The following TTF2 variants were observed in gnomAD, a reference collection of about 807,000 sequenced individuals.
TTF2 encodes the protein transcription termination factor 2, also known as RNA polymerase II termination factor.
Under a neutral mutation model 142.4 loss-of-function variants are expected in TTF2, and 108 were observed. The observed-to-expected ratio is 0.76, with a 90% CI of 0.65 to 0.89. The LOEUF (loss-of-function observed/expected upper bound fraction) is 0.89. TTF2 is among the 40% of genes least tolerant of loss of function. The pLI, the probability that TTF2 is intolerant of heterozygous loss-of-function variation, is 0.00. For synonymous variants in TTF2, 483 were observed against 506.2 expected, an observed-to-expected ratio of 0.95 and a Z score of 0.61; for missense variants, 1,327 against 1,379.8, an observed-to-expected ratio of 0.96 and a Z score of 0.61.
chr1:117,090,213 T>C lies in TTF2; in HGVS notation c.2496+5T>C, dbSNP rs1020835590. 6.2e-7 allele frequency: 1 copy of C among 1,613,594 alleles called. No homozygotes were observed. Among genetic ancestry groups the C allele is most frequent in the African/African-American group, 1.3e-5 (1 of 75,032 alleles). On this transcript the variant is annotated splice_donor_5th_base_variant and intron_variant, in intron 14 of 22. Coordinates refer to ENST00000369466, the MANE Select transcript of TTF2 (RefSeq NM_003594.4). This position sits in a 1 kb window ranked among gnomAD's most constrained non-coding sequence, Gnocchi z 4.8. ...GACTCTACTGGCAGACCTTTGGTAA[T>C]CAAGTTTGTACCTGTCCCTGGGGGA...
chr1:117,074,310 A>G lies in TTF2; in HGVS notation c.286-560A>G, dbSNP rs371759062. Among the ~76,000 whole-genome samples, 8 of 152,330 alleles carry G rather than the reference A, an allele frequency of 5.3e-5. No homozygotes were observed. The East Asian group carries it at 9.6e-4, about 18-fold the overall frequency. Reference sequence around the variant, plus strand: ...GGGGAAAAGTTCATCTTAAGAGAATAGTTTTTTTCCTGAAAAGTATACACT... The same window carrying G: ...GGGGAAAAGTTCATCTTAAGAGAATGGTTTTTTTCCTGAAAAGTATACACT... On this transcript the variant is annotated intron_variant, in intron 4 of 22. Transcript: ENST00000369466.
chr1:117,077,400 T>C (rs1165083901), intron 7 of TTF2, among the ~76,000 whole-genome samples: 1 of 152,234 alleles, frequency 6.6e-6, no homozygotes, highest in Non-Finnish European at 1.5e-5. Flanking sequence ...GGCTGGCACA[T>C]AGGAGTCATC....
chr1:117,074,669 TACTG>T (rs1656842805), intron 4 of TTF2, among the ~76,000 whole-genome samples, 197 bp from the exon 5 acceptor site: 1 of 151,656 alleles, frequency 6.6e-6, no homozygotes, highest in African/African-American at 2.4e-5. Flanking sequence ...TACTGTGAAC[TACTG>T]GAGAGGGGAG....
Position 117,076,232 on chromosome 1 carries a change from T to G in TTF2, c.1328T>G (p.Leu443Trp), listed in dbSNP as rs1428373482. ...IQALPDKGQKLIKQIQELEEV... is the reference protein window; with the variant it reads ...IQALPDKGQKWIKQIQELEEV... ...GCTCTTCCAGACAAGGGTCAGAAGT[T>G]GATCAAACAAATCCAGGAGCTGGAG... Residue 443 changes from leucine (L) to tryptophan (W), a missense_variant, in exon 6 of 23, where the codon TTG (leucine) becomes TGG (tryptophan). Transcript: ENST00000369466. This position sits in a 1 kb window ranked among gnomAD's most constrained non-coding sequence, Gnocchi z 4.6. 1 of 1,613,952 alleles carries G rather than the reference T, an allele frequency of 6.2e-7. No homozygotes were observed. The highest frequency in any genetic ancestry group is 1.1e-5 in the South Asian group (1 of 91,070).
At position 117,086,375 on chromosome 1, in the gene TTF2, A is replaced by G. The variant is rs965846681; in HGVS notation, c.2055-42A>G. On this transcript the variant is annotated intron_variant, in intron 11 of 22. Coordinates refer to ENST00000369466, the MANE Select transcript of TTF2 (RefSeq NM_003594.4). This position sits in a 1 kb window ranked among gnomAD's most constrained non-coding sequence, Gnocchi z 4.2. ...ACTCTGCCTCTCTCATTGTCCCTCTATAGTGGGACCATTTATTGATTTCTT... is the reference window on the plus strand; with the variant it reads ...ACTCTGCCTCTCTCATTGTCCCTCTGTAGTGGGACCATTTATTGATTTCTT... 3.4e-6 allele frequency: 5 copies of G among 1,452,172 alleles called. No homozygotes were observed. In the African/African-American group the frequency reaches 5.6e-5, roughly 16 times the overall value. The allele number at this position is 1,452,172 out of a possible 1,614,324, so 90.0% of individuals were successfully genotyped here.
Position 117,091,427 on chromosome 1 carries a change from TC to T in TTF2, c.2671+18del. On this transcript the variant is annotated intron_variant, in intron 16 of 22. Transcript: ENST00000369466. The stretch of plus-strand genomic sequence containing the variant: ...TCAGTAGAGGTAAGCTGTAGGACTC[TC>T]ATAAATACATATGACTGGTGAAAAT... 6.3e-7 allele frequency: 1 copy of T among 1,597,676 alleles called. No individual in the cohort carries two copies. Among genetic ancestry groups the T allele is most frequent in the Non-Finnish European group, 8.5e-7 (1 of 1,173,908 alleles).
In TTF2 at chr1:117,090,073, A is replaced by G. The variant is rs756131561; in HGVS notation, c.2361A>G (p.Pro787=). The change falls in exon 14 of 23, where the codon CCA becomes CCG. Residue 787 remains proline (P), a synonymous_variant. Coordinates refer to ENST00000369466, the MANE Select transcript of TTF2 (RefSeq NM_003594.4). This position sits in a 1 kb window ranked among gnomAD's most constrained non-coding sequence, Gnocchi z 4.8. Reference sequence around the variant, plus strand: ...AAAAAAGGTTTCTCCGTTGCTCTCCATTTGATGAGTTCAATCTGTGGAGGA... The same window carrying G: ...AAAAAAGGTTTCTCCGTTGCTCTCCGTTTGATGAGTTCAATCTGTGGAGGA... ...YSLLKFLRCS[P]FDEFNLWRSQ... The G allele has an allele frequency of 6.2e-7, 1 of 1,613,772 alleles. No individual in the cohort carries two copies. Among genetic ancestry groups the G allele is most frequent in the South Asian group, 1.1e-5 (1 of 91,026 alleles).
Position 117,098,857 on chromosome 1 carries a change from T to C in TTF2, c.3294T>C (p.Ala1098=). 1 of 1,612,430 alleles carries C rather than the reference T, an allele frequency of 6.2e-7. No individual in the cohort carries two copies. Among genetic ancestry groups the C allele is most frequent in the Non-Finnish European group, 8.5e-7 (1 of 1,179,556 alleles). Residue 1098 remains alanine (A), a synonymous_variant, in exon 22 of 23, where the codon GCT becomes GCC. Coordinates refer to ENST00000369466, the MANE Select transcript of TTF2 (RefSeq NM_003594.4). ...GGAATCCATCACTTGAAGATCAAGC[T>C]TGTGACCGAATTTACCGAGTAGGGC... ...MHWNPSLEDQ[A]CDRIYRVGQQ...
In TTF2 at chr1:117,100,880, C is replaced by T. The variant is rs1020754246; in HGVS notation, c.3345-500C>T. Among the ~76,000 whole-genome samples the T allele has an allele frequency of 1.3e-5, 2 of 152,198 alleles. No homozygotes were observed. Among genetic ancestry groups the T allele is most frequent in the Admixed American group, 1.3e-4 (2 of 15,278 alleles). ...TGCTTTGGAGCAAGACTATATTCAT[C>T]TCTCCATCCCCACACCTAGCATAGT... On this transcript the variant is annotated intron_variant, in intron 22 of 22. Coordinates refer to ENST00000369466, the MANE Select transcript of TTF2 (RefSeq NM_003594.4). This position sits in a 1 kb window ranked among gnomAD's most constrained non-coding sequence, Gnocchi z 4.6.
intron 16 of TTF2, 60 bp from the exon 17 acceptor site, chr1:117,091,757 C>G: frequency 1.3e-6 from 2 of 1,572,540 alleles, no homozygotes; most frequent in Middle Eastern, 1.7e-4. Context: ...GTTCCTGGCT[C>G]TCTCCGTATT....
At chr1:117,067,671 A>G (rs1487541245) in intron 3 of TTF2, among the ~76,000 whole-genome samples, 2 of 152,226 alleles carry the variant, frequency 1.3e-5, no homozygotes, top group Non-Finnish European at 2.9e-5. Context: ...ACAGAAATAG[A>G]TAAGTCTATA....
rs1649276824 is a variant in TTF2, at chr1:117,097,716, C to T, written c.3269+283C>T. ...ATGGAAACGGGGAGCATAGCTTTTC[C>T]TCATGGCTAAGAGTTAACCTTGCTC... On this transcript the variant is annotated intron_variant, in intron 21 of 22. Coordinates refer to ENST00000369466, the MANE Select transcript of TTF2 (RefSeq NM_003594.4). This position sits in a 1 kb window ranked among gnomAD's most constrained non-coding sequence, Gnocchi z 4.1. 6.6e-6 allele frequency among the ~76,000 whole-genome samples: 1 copy of T among 152,190 alleles called. No individual in the cohort carries two copies. The highest frequency in any genetic ancestry group is 1.5e-5 in the Non-Finnish European group (1 of 68,028).
At chr1:117,096,444 C>T (rs1649160261) in intron 20 of TTF2, 145 bp downstream of exon 20, 6 of 1,025,286 alleles carry the variant, frequency 5.9e-6, no homozygotes, top group South Asian at 5.3e-5. Context: ...ATAGTGCTAT[C>T]TTGGCTCACC....
In TTF2 at chr1:117,091,446, G is replaced by T. The variant is rs1648568657; in HGVS notation, c.2671+36G>T. 5 of 1,561,444 alleles carry T rather than the reference G, an allele frequency of 3.2e-6. No homozygotes were observed. In the East Asian group the frequency reaches 6.8e-5, roughly 21 times the overall value. On this transcript the variant is annotated intron_variant, in intron 16 of 22. Coordinates refer to ENST00000369466, the MANE Select transcript of TTF2 (RefSeq NM_003594.4). ...GGACTCTCATAAATACATATGACTG[G>T]TGAAAATGGGGATTTGGATTCAGTA...
At chr1:117,074,735 T>A (rs1309058599) in intron 4 of TTF2, 135 bp from the exon 5 acceptor site, 1 of 784,646 alleles carries the variant, frequency 1.3e-6, no homozygotes, top group East Asian at 2.8e-5. Context: ...ACTGCCTGAG[T>A]GCAATATACT....
Position 117,076,675 on chromosome 1 carries a change from G to C in TTF2, c.1425G>C (p.Gln475His). 6.2e-7 allele frequency: 1 copy of C among 1,613,508 alleles called. No homozygotes were observed. Among genetic ancestry groups the C allele is most frequent in the Non-Finnish European group, 8.5e-7 (1 of 1,179,688 alleles). ...TNEKSNSQVP[Q>H]QSHFTKTTTG... is the part of the protein sequence containing the mutation. ...AGAAGAGTAACAGTCAAGTACCACA[G>C]CAGAGTCACTTCACCAAAACTACCA... The change falls in exon 7 of 23, where the codon CAG becomes CAC. Residue 475 changes from glutamine to histidine, a missense_variant. Physicochemically the swap from Gln to His is conservative, Grantham distance 24 (BLOSUM62 0). Transcript: ENST00000369466. The surrounding 1 kb of genome is among the most constrained non-coding windows in gnomAD (Gnocchi z 4.6).
chr1:117,068,816 T>G (rs1215556147), intron 3 of TTF2, among the ~76,000 whole-genome samples: 1 of 152,186 alleles, frequency 6.6e-6, no homozygotes, highest in Admixed American at 6.5e-5. Flanking sequence ...GCCATACTTG[T>G]GAGGCGGTGT....
In TTF2 at chr1:117,075,480, C is replaced by G. The variant is rs775991063; in HGVS notation, c.896C>G (p.Pro299Arg). Residue 299 changes from proline (P) to arginine (R), a missense_variant, in exon 5 of 23, where the codon CCT (proline) becomes CGT (arginine). Coordinates refer to ENST00000369466, the MANE Select transcript of TTF2 (RefSeq NM_003594.4). This position sits in a 1 kb window ranked among gnomAD's most constrained non-coding sequence, Gnocchi z 4.5. ...EAKETKAKDG[P>R]SIQATQKSLP... is the part of the protein sequence containing the mutation. ...AAAGAAACAAAGGCAAAGGATGGCC[C>G]TAGCATACAGGCCACCCAGAAAAGC... 3 of 1,614,006 alleles carry G rather than the reference C, an allele frequency of 1.9e-6. No individual in the cohort carries two copies. Among genetic ancestry groups the G allele is most frequent in the Non-Finnish European group, 2.5e-6 (3 of 1,179,996 alleles).
intron 18 of TTF2, among the ~76,000 whole-genome samples, chr1:117,094,885 CAAG>C (rs1190550369): frequency 6.6e-6 from 1 of 152,048 alleles, no homozygotes; most frequent in Non-Finnish European, 1.5e-5. Flanking sequence ...GGAGGACCTC[CAAG>C]AAGAAGTGAC....
Sources: gnomAD v4.1 joint callset for allele counts (sites outside exome capture counted in the v4.1 genomes callset) on GRCh38, gnomAD v4.1.1 for gene constraint, Gnocchi (gnomAD v3.1) non-coding constraint, MANE v1.5 for transcripts, NCBI Gene and HGNC (gene_info 2026-07-23, HGNC 2026-07-21) for gene names.